PRRC2B: variants seen among roughly 807,000 people sequenced by gnomAD.
PRRC2B encodes the protein proline rich coiled-coil 2B, also known as protein PRRC2B.
Under a neutral mutation model 242.3 loss-of-function variants are expected in PRRC2B, and 68 were observed. That is an observed-to-expected ratio of 0.28 (90% CI 0.23 to 0.34). PRRC2B has a LOEUF of 0.34. Ranked by LOEUF, PRRC2B falls within the 10% of genes least tolerant of loss-of-function variation. PRRC2B has a pLI of 1.00. For synonymous variants in PRRC2B, 1,228 were observed against 1,173.6 expected, an observed-to-expected ratio of 1.05 and a Z score of -0.95; for missense variants, 2,835 against 2,954.8, an observed-to-expected ratio of 0.96 and a Z score of 0.94.
chr9:131,408,251 CTT>C (rs1467972183), intron 1 of PRRC2B, among the ~76,000 whole-genome samples: 1 of 152,314 alleles, frequency 6.6e-6, no homozygotes, highest in African/African-American at 2.4e-5. Flanking sequence ...GGTCTCAACT[CTT>C]TTCTTTCTAT....
chr9:131,455,851 G>A (rs1196093028), intron 10 of PRRC2B, among the ~76,000 whole-genome samples: 1 of 152,130 alleles, frequency 6.6e-6, no homozygotes, highest in Non-Finnish European at 1.5e-5. Context: ...GGCGGCTCGT[G>A]CTGTTAATTC....
chr9:131,457,489 T>C (rs1273183646), intron 10 of PRRC2B, among the ~76,000 whole-genome samples: 1 of 152,218 alleles, frequency 6.6e-6, no homozygotes, highest in South Asian at 2.1e-4. Flanking sequence ...TGAAACCTGC[T>C]CTTTTTCTTC....
intron 10 of PRRC2B, among the ~76,000 whole-genome samples, chr9:131,457,788 T>C (rs186112896): frequency 7.6e-4 from 116 of 152,296 alleles, no homozygotes; most frequent in Middle Eastern, 3.4e-3. Flanking sequence ...GCAGCTTTAC[T>C]GTGGTCTCCA....
chr9:131,489,628 A>G (rs924140306), intron 28 of PRRC2B, among the ~76,000 whole-genome samples: 2 of 151,532 alleles, frequency 1.3e-5, no homozygotes, highest in African/African-American at 4.9e-5. Context: ...TCAGACTTGC[A>G]TCTTGCCCCT....
intron 1 of PRRC2B, among the ~76,000 whole-genome samples, chr9:131,388,544 T>C (rs1351358379): frequency 6.8e-6 from 1 of 146,310 alleles, no homozygotes; most frequent in Non-Finnish European, 1.5e-5. Flanking sequence ...CCAGCACTTT[T>C]TTTCTTTTCT....
intron 1 of PRRC2B, among the ~76,000 whole-genome samples, chr9:131,420,505 T>TCCTTTCTTTCCTTTCTTTCTTTC (rs1472671577): frequency 2.7e-5 from 1 of 37,036 alleles, no homozygotes; most frequent in African/African-American, 8.5e-5. Flanking sequence ...TTTTTTTTTT[T>TCCTTTCTTTCCTTTCTTTCTTTC]TTTTTGAGAT....
At chr9:131,414,696 A>C (rs1048395473) in intron 1 of PRRC2B, among the ~76,000 whole-genome samples, 1 of 151,636 alleles carries the variant, frequency 6.6e-6, no homozygotes, top group African/African-American at 2.4e-5. Context: ...CAGCCTCCCA[A>C]GTAGCTGGGA....
intron 9 of PRRC2B, among the ~76,000 whole-genome samples, chr9:131,449,576 T>C (rs1425188813): frequency 1.3e-5 from 2 of 152,254 alleles, no homozygotes; most frequent in Non-Finnish European, 2.9e-5. Flanking sequence ...ACAGCTGATA[T>C]ATTGTCCTTT....
At chr9:131,386,492 T>C (rs567838098) in intron 1 of PRRC2B, among the ~76,000 whole-genome samples, 55 of 150,388 alleles carry the variant, frequency 3.7e-4, no homozygotes, top group African/African-American at 1.3e-3. Flanking sequence ...CACTTCCAGA[T>C]CTGCCCGAGG....
intron 14 of PRRC2B, 41 bp downstream of exon 14, chr9:131,471,024 G>C: frequency 6.8e-7 from 1 of 1,466,198 alleles, no homozygotes; most frequent in Non-Finnish European, 9.4e-7. Context: ...GTATCACCCA[G>C]GATAGCGTGG....
intron 11 of PRRC2B, among the ~76,000 whole-genome samples, chr9:131,460,733 G>A (rs896658908): frequency 1.6e-4 from 25 of 152,152 alleles, no homozygotes; most frequent in African/African-American, 5.6e-4. Context: ...AGGCCAGTGC[G>A]TGTCCTTTTT....
chr9:131,492,754 C>T (rs1034870488), intron 30 of PRRC2B, among the ~76,000 whole-genome samples: 6 of 152,102 alleles, frequency 3.9e-5, no homozygotes, highest in African/African-American at 1.4e-4. Context: ...TTTTTGCTTC[C>T]TTTGTGTCTG....
rs1047778202 is a variant in PRRC2B, at chr9:131,487,693, G to A, written c.5985-163G>A. Among the ~76,000 whole-genome samples, 1 of 152,150 alleles carries A rather than the reference G, an allele frequency of 6.6e-6. No individual in the cohort carries two copies. The highest frequency in any genetic ancestry group is 1.5e-5 in the Non-Finnish European group (1 of 68,016). On this transcript the variant is annotated intron_variant, in intron 27 of 31. Transcript: ENST00000683519. This position sits in a 1 kb window ranked among gnomAD's most constrained non-coding sequence, Gnocchi z 5.3. ...AATCCAGCAGCATCAGCGCCATCTA[G>A]GAGCTTGTTCTCAGGCCCCATCCTG...
In PRRC2B at chr9:131,439,076, G is replaced by A. The variant is rs1838468780; in HGVS notation, c.469+15G>A. The A allele has an allele frequency of 1.2e-6, 2 of 1,612,014 alleles. No homozygotes were observed. The highest frequency in any genetic ancestry group is 1.1e-5 in the South Asian group (1 of 90,862). ...ACACGAAGGTGGTAAGTGCGCACGT[G>A]TGTGTGTTGTTTGGGGACGCTGGGG... On this transcript the variant is annotated intron_variant, in intron 5 of 31. Transcript: ENST00000683519.
At chr9:131,396,781 GC>G (rs1339500595) in intron 1 of PRRC2B, among the ~76,000 whole-genome samples, 5 of 152,072 alleles carry the variant, frequency 3.3e-5, no homozygotes, top group African/African-American at 1.2e-4. Flanking sequence ...AGGGAGCTCA[GC>G]CAGATCTCGG....
chr9:131,471,682 T>C (rs1182359024), intron 14 of PRRC2B, among the ~76,000 whole-genome samples: 5 of 152,270 alleles, frequency 3.3e-5, no homozygotes, highest in Non-Finnish European at 7.3e-5. Context: ...TTGTAAAAAC[T>C]GGCAGCAGGC....
Position 131,496,066 on chromosome 9 carries a change from C to G in PRRC2B, c.*192C>G. On this transcript the variant is annotated 3_prime_UTR_variant, in exon 32 of 32. Transcript: ENST00000683519. ...TGCACCCGTGGATATATGGCATTGA[C>G]CCGCTTGCTTTGATACGAAACAAAA... 4 of 703,072 alleles carry G rather than the reference C, an allele frequency of 5.7e-6. No individual in the cohort carries two copies. The South Asian group carries it at 8.1e-5, about 14-fold the overall frequency. The allele number at this position is 703,072 out of a possible 1,614,324, so 43.6% of individuals were successfully genotyped here.
chr9:131,377,034 T>A (rs1399889531), intron 1 of PRRC2B, among the ~76,000 whole-genome samples: 1 of 152,174 alleles, frequency 6.6e-6, no homozygotes, highest in Non-Finnish European at 1.5e-5. Context: ...AAAAGTTTGT[T>A]GTGATGCACC....
intron 11 of PRRC2B, among the ~76,000 whole-genome samples, chr9:131,461,168 T>TGACC (rs1943231209): frequency 6.6e-6 from 1 of 152,178 alleles, no homozygotes; most frequent in African/African-American, 2.4e-5. Flanking sequence ...TCCCCATGTA[T>TGACC]GACCAATCTC....
Sources: allele counts gnomAD v4.1 joint callset (sites outside exome capture counted in the v4.1 genomes callset), GRCh38; gene constraint gnomAD v4.1.1; non-coding constraint Gnocchi (gnomAD v3.1); transcripts MANE v1.5; gene names NCBI Gene and HGNC (gene_info 2026-07-23, HGNC 2026-07-21).